Variants in MROH1 observed in about 807,000 individuals in gnomAD.
The protein encoded by MROH1 is maestro heat-like repeat-containing protein family member 1.
Under a neutral mutation model 116.5 loss-of-function variants are expected in MROH1, and 117 were observed. The observed-to-expected ratio is 1.00, with a 90% confidence interval of 0.86 to 1.17. The LOEUF is 1.17. Ranked by LOEUF, MROH1 falls within the 50% of genes most tolerant of loss-of-function variation. The pLI, the probability that MROH1 is intolerant of heterozygous loss-of-function variation, is 0.00. For synonymous variants in MROH1, 921 were observed against 583.9 expected (o/e 1.58, Z -8.32); for missense variants, 1,873 against 1,338.5 (o/e 1.40, Z -6.23).
chr8:144,195,798 G>A (rs1829760192), intron 10 of MROH1, among the ~76,000 whole-genome samples: 2 of 151,988 alleles, frequency 1.3e-5, no homozygotes, highest in South Asian at 4.1e-4. Flanking sequence ...GGCCTCCCAG[G>A]CTCAAGCGAT....
At chr8:144,232,442 A>C (rs887845634) in intron 14 of MROH1, among the ~76,000 whole-genome samples, 1 of 151,988 alleles carries the variant, frequency 6.6e-6, no homozygotes, top group Non-Finnish European at 1.5e-5. Context: ...GACTGTTAGT[A>C]TGGTAGATTA....
chr8:144,235,602 G>A (rs1477778535), intron 14 of MROH1, among the ~76,000 whole-genome samples: 12 of 152,252 alleles, frequency 7.9e-5, no homozygotes, highest in African/African-American at 2.9e-4. Flanking sequence ...TGAGCTTGTC[G>A]TTTTTGTTCT....
chr8:144,152,242 A>G (rs1435623141), intron 1 of MROH1, among the ~76,000 whole-genome samples: 1 of 152,206 alleles, frequency 6.6e-6, no homozygotes, highest in Admixed American at 6.5e-5. Flanking sequence ...TCTATTTAAT[A>G]TTTTTGGACT....
chr8:144,239,029 C>T lies in MROH1; in HGVS notation c.1447-6C>T. The T allele has an allele frequency of 7.7e-6, 6 of 777,828 alleles. No homozygotes were observed. The highest frequency in any genetic ancestry group is 1.2e-5 in the Non-Finnish European group (5 of 417,762). 48.2% of individuals were successfully genotyped at this position (777,828 alleles called of 1,614,324 possible). ...CGGATGCAGACCAGGCCCTCTGCTCCCCTAGGTCCTCTGGCCATACCTGCT... is the reference window on the plus strand; with the variant it reads ...CGGATGCAGACCAGGCCCTCTGCTCTCCTAGGTCCTCTGGCCATACCTGCT... On this transcript the variant is annotated splice_polypyrimidine_tract_variant and splice_region_variant and intron_variant, in intron 15 of 43. Transcript: ENST00000326134.
chr8:144,152,718 T>TTG (rs1237630780), intron 1 of MROH1, among the ~76,000 whole-genome samples: 1 of 152,032 alleles, frequency 6.6e-6, no homozygotes, highest in Non-Finnish European at 1.5e-5. Context: ...GGCTAATTTT[T>TTG]TGTATTTTTT....
Position 144,220,632 on chromosome 8 carries a change from CT to C in MROH1, c.1175del (p.Leu392ArgfsTer4). On this transcript the variant is annotated frameshift_variant, in exon 13 of 44. Coordinates refer to ENST00000326134, the MANE Select transcript of MROH1 (RefSeq NM_032450.3). LOFTEE classifies it high-confidence loss of function. Reference protein sequence around the residue: ...AQMEDKKPFILSSMRLPLLDT... With the variant: ...AQMEDKKPFIXSSMRLPLLDT... ...GATGGAAGATAAAAAGCCCTTTATC[CT>C]GTCTTCCATGAGGCTTCCTCTCCTG... The C allele has an allele frequency of 6.3e-7, 1 of 1,579,950 alleles. No individual in the cohort carries two copies. The highest frequency in any genetic ancestry group is 8.6e-7 in the Non-Finnish European group (1 of 1,163,004).
chr8:144,208,393 G>A (rs915118624), intron 12 of MROH1, among the ~76,000 whole-genome samples: 5 of 120,110 alleles, frequency 4.2e-5, no homozygotes, highest in African/African-American at 6.2e-5. Flanking sequence ...AAGTACCACC[G>A]ACTGGTGGGT....
At chr8:144,223,753 G>A (rs1005209122) in intron 14 of MROH1, among the ~76,000 whole-genome samples, 2 of 152,166 alleles carry the variant, frequency 1.3e-5, no homozygotes, top group Non-Finnish European at 2.9e-5. Context: ...GCTGCAGCCC[G>A]CTGGCTGCTG....
In MROH1 at chr8:144,220,687, G is replaced by A. The variant is rs1394870631; in HGVS notation, c.1215+14G>A. 4 of 1,561,736 alleles carry A rather than the reference G, an allele frequency of 2.6e-6. No homozygotes were observed. In the South Asian group the frequency reaches 3.5e-5, roughly 14 times the overall value. ...ACCAACAGCAAGGTAAACCACATGG[G>A]CCAGCCCAGGCTGCACCACCACACC... On this transcript the variant is annotated intron_variant, in intron 13 of 43. Coordinates refer to ENST00000326134, the MANE Select transcript of MROH1 (RefSeq NM_032450.3).
chr8:144,168,587 T>A, intron 4 of MROH1, 147 bp downstream of exon 4: 2 of 899,016 alleles, frequency 2.2e-6, no homozygotes, highest in Non-Finnish European at 3.3e-6. Context: ...CACACGTGCC[T>A]ATGTCAGGGT....
rs11306003 is a variant in MROH1, at chr8:144,233,454, AC to A, written c.1339-5298del. Among the ~76,000 whole-genome samples the A allele has an allele frequency of 7.1e-3, 835 of 117,620 alleles. 1 individual carries two copies. In the East Asian group the frequency reaches 0.095, roughly 13 times the overall value. 77.2% of individuals were successfully genotyped at this position (117,620 alleles called of 152,430 possible). ...ACCTTCTCTCCCCCGCAGCTCCTGC[AC>A]CCCACCATCCACCTTCTCTCTCCCG... On this transcript the variant is annotated intron_variant, in intron 14 of 43. Coordinates refer to ENST00000326134, the MANE Select transcript of MROH1 (RefSeq NM_032450.3).
chr8:144,239,772 G>A lies in MROH1; in HGVS notation c.1774+17G>A. ...ACCTGGATGGTGAGGCCAGGGTCAG[G>A]ATGGGGTGCATAGCCCTGTGGGGAG... On this transcript the variant is annotated intron_variant, in intron 18 of 43. Transcript: ENST00000326134. 1.4e-6 allele frequency: 1 copy of A among 717,034 alleles called. No homozygotes were observed. The highest frequency in any genetic ancestry group is 2.6e-6 in the Non-Finnish European group (1 of 384,956). The allele number at this position is 717,034 out of a possible 1,614,324, so 44.4% of individuals were successfully genotyped here. A position where few individuals can be genotyped will look rare whatever the true frequency, so the allele number is the denominator to read the frequency against.
chr8:144,181,755 A>G (rs1825771397), intron 7 of MROH1, among the ~76,000 whole-genome samples: 1 of 152,120 alleles, frequency 6.6e-6, no homozygotes, highest in South Asian at 2.1e-4. Flanking sequence ...CCTGGGGCGC[A>G]GGACGTGCCA....
chr8:144,166,742 T>TGA (rs1171947351), intron 3 of MROH1, among the ~76,000 whole-genome samples: 1 of 150,868 alleles, frequency 6.6e-6, no homozygotes, highest in Non-Finnish European at 1.5e-5. Flanking sequence ...TGCAAAGCAG[T>TGA]GAGGAGGTGG....
chr8:144,256,335 G>T (rs1588533359), intron 35 of MROH1, among the ~76,000 whole-genome samples: 1 of 150,466 alleles, frequency 6.6e-6, no homozygotes, highest in East Asian at 1.9e-4. Context: ...TCCCACCCAG[G>T]CGCCCAGGTT....
intron 12 of MROH1, chr8:144,214,229 C>G (rs1341096979): frequency 6.6e-6 from 1 of 152,286 alleles, no homozygotes; most frequent in Non-Finnish European, 1.5e-5. Context: ...TGAGTCTTAG[C>G]TTCAGGGTCA....
chr8:144,182,673 GGAGA>G lies in MROH1; in HGVS notation c.562+2153_562+2156del, dbSNP rs1825986322. Among the ~76,000 whole-genome samples, 1 of 152,148 alleles carries G rather than the reference GGAGA, an allele frequency of 6.6e-6. No homozygotes were observed. Among genetic ancestry groups the G allele is most frequent in the Admixed American group, 6.5e-5 (1 of 15,268 alleles). On this transcript the variant is annotated intron_variant, in intron 7 of 43. Transcript: ENST00000326134. The surrounding 1 kb of genome is among the most constrained non-coding windows in gnomAD (Gnocchi z 4.1). ...GAAAAAGGCAAAAATATGGAAAGTA[GGAGA>G]GAAAGAGAAGAATGAACTAGCAGGC...
Position 144,150,345 on chromosome 8 carries a change from G to A in MROH1, c.-177+2269G>A, listed in dbSNP as rs1238729546. ...CCCTGCCTGCCACCTTCTCCCATTC[G>A]TTTGCTTTTTGTTAATTTAACCAGA... On this transcript the variant is annotated intron_variant, in intron 1 of 43. Transcript: ENST00000326134. Among the ~76,000 whole-genome samples the A allele has an allele frequency of 3.3e-5, 5 of 152,188 alleles. 1 individual carries two copies. The highest frequency in any genetic ancestry group is 4.1e-4 in the South Asian group (2 of 4,838).
intron 12 of MROH1, among the ~76,000 whole-genome samples, chr8:144,204,018 T>C (rs1832289661): frequency 6.6e-6 from 1 of 152,224 alleles, no homozygotes; most frequent in Non-Finnish European, 1.5e-5. Context: ...CGCAAGGAAA[T>C]ATTTTAACCA....
Sources: allele counts gnomAD v4.1 joint callset (sites outside exome capture counted in the v4.1 genomes callset), GRCh38; gene constraint gnomAD v4.1.1; non-coding constraint Gnocchi (gnomAD v3.1); transcripts MANE v1.5; gene names NCBI Gene and HGNC (gene_info 2026-07-23, HGNC 2026-07-21).